MROH1: variants seen among roughly 807,000 people sequenced by gnomAD.
MROH1 encodes maestro heat like repeat family member 1.
A neutral mutation model predicts 116.5 loss-of-function variants in MROH1; 117 were observed. The observed-to-expected ratio is 1.00, with a 90% confidence interval of 0.86 to 1.17. The LOEUF is 1.17. Ranked by LOEUF, MROH1 falls within the 50% of genes most tolerant of loss-of-function variation. The pLI is 0.00. For missense variants in MROH1, 1,873 were observed against 1,338.5 expected (o/e 1.40, Z -6.23); for synonymous variants, 921 against 583.9 (o/e 1.58, Z -8.32).
intron 13 of MROH1, 141 bp downstream of exon 13, chr8:144,220,814 G>C: frequency 1.4e-6 from 1 of 698,658 alleles, no homozygotes; most frequent in South Asian, 1.8e-5. Flanking sequence ...AAGGATGACA[G>C]TGTGCCATTC....
chr8:144,199,324 C>T (rs1830593066), intron 11 of MROH1, 124 bp downstream of exon 11: 3 of 975,406 alleles, frequency 3.1e-6, no homozygotes, highest in Non-Finnish European at 1.6e-6. Flanking sequence ...CCTGTTTCCA[C>T]CTCTCCTGGG....
At chr8:144,202,036 G>A (rs1022877780) in intron 12 of MROH1, among the ~76,000 whole-genome samples, 5 of 148,280 alleles carry the variant, frequency 3.4e-5, no homozygotes, top group East Asian at 2.0e-4. Context: ...AAAAAAAAAA[G>A]AGAAAGCAGC....
intron 7 of MROH1, among the ~76,000 whole-genome samples, chr8:144,181,308 A>AGGGGCCCGGGGATGGGGGG (rs1825627879): frequency 1.7e-5 from 1 of 58,072 alleles, no homozygotes; most frequent in South Asian, 5.9e-4. Flanking sequence ...GTGATGGGGG[A>AGGGGCCCGGGGATGGGGGG]GGGGCCGGTG....
chr8:144,233,656 A>G (rs529068520), intron 14 of MROH1, among the ~76,000 whole-genome samples: 5 of 152,256 alleles, frequency 3.3e-5, no homozygotes, highest in Admixed American at 2.6e-4. Flanking sequence ...ATGTTCTCCC[A>G]TGGTGTGGCG....
At chr8:144,189,264 T>TC (rs1339305541) in intron 7 of MROH1, among the ~76,000 whole-genome samples, 4 of 152,096 alleles carry the variant, frequency 2.6e-5, no homozygotes, top group Admixed American at 6.6e-5. Flanking sequence ...GGTGGGTGCA[T>TC]CCTTTCAGGG....
At chr8:144,238,932 A>G in intron 15 of MROH1, 69 bp downstream of exon 15, 3 of 768,378 alleles carry the variant, frequency 3.9e-6, no homozygotes, top group South Asian at 2.7e-5. Context: ...CAGGGTGCTC[A>G]GGCCCAGCAA....
chr8:144,175,242 G>A (rs1031239887), intron 4 of MROH1: 10 of 836,764 alleles, frequency 1.2e-5, no homozygotes, highest in African/African-American at 3.7e-5. Flanking sequence ...TCCCAGCAGC[G>A]GGTCCGGTCG....
rs1840806740 is a variant in MROH1, at chr8:144,240,584, C to T, written c.1842C>T (p.Thr614=). The T allele has an allele frequency of 1.4e-6, 1 of 717,188 alleles. No homozygotes were observed. Among genetic ancestry groups the T allele is most frequent in the Admixed American group, 2.0e-5 (1 of 50,018 alleles). The allele number at this position is 717,188 out of a possible 1,614,324, so 44.4% of individuals were successfully genotyped here. A position where few individuals can be genotyped will look rare whatever the true frequency, so the allele number is the denominator to read the frequency against. ...TTGGCCTGCAGTTCCTGCGAGACACCCTGGCCATCATTTCTGACAACGCGT... is the reference window on the plus strand; with the variant it reads ...TTGGCCTGCAGTTCCTGCGAGACACTCTGGCCATCATTTCTGACAACGCGT... The part of the protein sequence containing the change: ...EEKLLMFLRD[T]LAIISDNAWI... The change falls in exon 20 of 44, where the codon ACC becomes ACT. Residue 614 remains threonine (T), a synonymous_variant. Coordinates refer to ENST00000326134, the MANE Select transcript of MROH1 (RefSeq NM_032450.3).
intron 37 of MROH1, 92 bp downstream of exon 37, chr8:144,259,446 C>T: frequency 2.8e-6 from 2 of 705,962 alleles, no homozygotes; most frequent in East Asian, 2.7e-5. Flanking sequence ...CTAAAAGGCC[C>T]CCTCGACCGT....
At chr8:144,156,879 T>G (rs1276649422) in intron 1 of MROH1, among the ~76,000 whole-genome samples, 2 of 149,900 alleles carry the variant, frequency 1.3e-5, no homozygotes, top group African/African-American at 4.9e-5. Flanking sequence ...GCTTCCTGGG[T>G]TCAAGCAATT....
chr8:144,167,840 A>G (rs981777028), intron 3 of MROH1, among the ~76,000 whole-genome samples: 1 of 152,110 alleles, frequency 6.6e-6, no homozygotes, highest in Non-Finnish European at 1.5e-5. Context: ...TGTGTGGGCA[A>G]TGGGGCCATG....
intron 10 of MROH1, among the ~76,000 whole-genome samples, chr8:144,196,867 C>CA (rs1554803363): frequency 2.3e-4 from 35 of 151,758 alleles, no homozygotes; most frequent in Non-Finnish European, 1.6e-4. Context: ...GAGACCGAGG[C>CA]GGTGGACCAC....
In MROH1 at chr8:144,200,786, G is replaced by A. The variant is rs1188073723; in HGVS notation, c.1141+245G>A. On this transcript the variant is annotated intron_variant, in intron 12 of 43. Coordinates refer to ENST00000326134, the MANE Select transcript of MROH1 (RefSeq NM_032450.3). ...TGACAGCTGGCTGCAGACACCATGCGTGGCCACACTCCCCAGGTGACCATG... is the reference window on the plus strand; with the variant it reads ...TGACAGCTGGCTGCAGACACCATGCATGGCCACACTCCCCAGGTGACCATG... The A allele has an allele frequency of 4.8e-5, 24 of 496,138 alleles. No homozygotes were observed. The East Asian group carries it at 8.0e-4, about 17-fold the overall frequency. 30.7% of individuals were successfully genotyped at this position (496,138 alleles called of 1,614,324 possible). A position where few individuals can be genotyped will look rare whatever the true frequency, so the allele number is the denominator to read the frequency against.
intron 29 of MROH1, 44 bp from the exon 30 acceptor site, chr8:144,247,257 A>C (rs1588468272): frequency 1.3e-6 from 1 of 757,130 alleles, no homozygotes; most frequent in Non-Finnish European, 2.4e-6. Context: ...GGTGGCATCC[A>C]CCCACCCCCA....
At chr8:144,191,289 C>T (rs1413661887) in intron 8 of MROH1, among the ~76,000 whole-genome samples, 2 of 152,146 alleles carry the variant, frequency 1.3e-5, no homozygotes, top group South Asian at 2.1e-4. Flanking sequence ...AGGCTGGTCT[C>T]GAACTCCTGA....
intron 4 of MROH1, among the ~76,000 whole-genome samples, chr8:144,175,876 C>T (rs1823772638): frequency 6.6e-6 from 1 of 152,258 alleles, no homozygotes; most frequent in South Asian, 2.1e-4. Context: ...TGGTGAAACC[C>T]TGTCTCTACT....
At position 144,238,773 on chromosome 8, in the gene MROH1, C is replaced by G. The variant is rs1343423741; in HGVS notation, c.1356C>G (p.Pro452=). Residue 452 remains proline (P), a synonymous_variant, in exon 15 of 44, where the codon CCC becomes CCG. Transcript: ENST00000326134. The part of the protein sequence containing the change: ...PPEQEPEKPG[P]GSKDPKADSV... The stretch of plus-strand genomic sequence containing the variant: ...TCCTCCAGCCTGAGAAGCCAGGCCC[C>G]GGCAGCAAGGACCCCAAGGCCGACA... 3.9e-6 allele frequency: 3 copies of G among 773,112 alleles called. No homozygotes were observed. The highest frequency in any genetic ancestry group is 7.2e-6 in the Non-Finnish European group (3 of 417,682). The allele number at this position is 773,112 out of a possible 1,614,324, so 47.9% of individuals were successfully genotyped here.
chr8:144,205,145 C>T (rs2131964769), intron 12 of MROH1, among the ~76,000 whole-genome samples: 1 of 152,308 alleles, frequency 6.6e-6, no homozygotes, highest in East Asian at 1.9e-4. Context: ...CCACCTTGGC[C>T]TCCCAAAGTA....
Position 144,179,351 on chromosome 8 carries a change from CAG to C in MROH1, c.169-98_169-97del, listed in dbSNP as rs1824935114. ...TACCCCTCCCCTCCTGCACTTGAGG[CAG>C]AGAGATTTGTGCGGTTTCATCTTGT... On this transcript the variant is annotated intron_variant, in intron 4 of 43. Transcript: ENST00000326134. 2.7e-6 allele frequency: 4 copies of C among 1,499,782 alleles called. No homozygotes were observed. The East Asian group carries it at 7.1e-5, about 27-fold the overall frequency. The allele number at this position is 1,499,782 out of a possible 1,614,324, so 92.9% of individuals were successfully genotyped here. A position where few individuals can be genotyped will look rare whatever the true frequency, so the allele number is the denominator to read the frequency against.
Sources: gnomAD v4.1 joint callset for allele counts (sites outside exome capture counted in the v4.1 genomes callset) on GRCh38, gnomAD v4.1.1 for gene constraint, MANE v1.5 for transcripts, NCBI Gene and HGNC (gene_info 2026-07-23, HGNC 2026-07-21) for gene names.